The following AOPEP variants were observed in gnomAD, a reference collection of about 807,000 sequenced individuals.
AOPEP encodes aminopeptidase O (putative).
A neutral mutation model predicts 98.1 loss-of-function variants in AOPEP; 77 were observed. That is an observed-to-expected ratio of 0.78 (90% CI 0.65 to 0.95). AOPEP has a LOEUF of 0.95. AOPEP is among the 40% of genes least tolerant of loss of function. The pLI is 0.00. For synonymous variants in AOPEP, 346 were observed against 365.3 expected (o/e 0.95, Z 0.60); for missense variants, 1,024 against 1,024.7 (o/e 1.00, Z 0.01).
intron 1 of AOPEP, among the ~76,000 whole-genome samples, chr9:94,756,849 C>G (rs979207141): frequency 3.9e-5 from 6 of 152,154 alleles, no homozygotes; most frequent in African/African-American, 9.6e-5. Flanking sequence ...GAGGCTACCC[C>G]CCGTTCTGGA....
At chr9:95,147,222 A>C in the AOPEP span, among the ~76,000 whole-genome samples, 1 of 152,236 alleles carries the variant, frequency 6.6e-6, no homozygotes, top group African/African-American at 2.4e-5. Flanking sequence ...TGTTTCATCA[A>C]GAAAAGATGA....
intron 13 of AOPEP, among the ~76,000 whole-genome samples, chr9:95,028,433 A>G (rs1038007850): frequency 2.6e-5 from 4 of 152,216 alleles, no homozygotes; most frequent in African/African-American, 9.6e-5. Context: ...GTCACTACCC[A>G]CACAGCCTTC....
intron 14 of AOPEP, among the ~76,000 whole-genome samples, chr9:95,078,135 T>TA (rs1366145784): frequency 2.6e-5 from 4 of 152,146 alleles, no homozygotes; most frequent in African/African-American, 4.8e-5. Context: ...GGTCTCTTAT[T>TA]AATCTTGACA....
chr9:95,134,611 G>A, the AOPEP span, among the ~76,000 whole-genome samples: 1 of 152,254 alleles, frequency 6.6e-6, no homozygotes, highest in African/African-American at 2.4e-5. Context: ...CATGGCACCT[G>A]CAGGTTTCTG....
At position 94,794,263 on chromosome 9, in the gene AOPEP, C is replaced by A. The variant is rs562924989; in HGVS notation, c.1118+1345C>A. ...AGGGGGACGCTGAGAAGGTGCACAG[C>A]ACATGCATCATGCTGCACTCCCAGG... is the stretch of plus-strand genomic sequence containing the variant. On this transcript the variant is annotated intron_variant, in intron 4 of 16. Coordinates refer to ENST00000375315, the MANE Select transcript of AOPEP (RefSeq NM_001193329.3). 3.3e-5 allele frequency among the ~76,000 whole-genome samples: 5 copies of A among 152,312 alleles called. No individual in the cohort carries two copies. In the South Asian group the frequency reaches 1.0e-3, roughly 32 times the overall value.
At chr9:95,053,015 A>G (rs2066516094) in intron 13 of AOPEP, among the ~76,000 whole-genome samples, 1 of 152,156 alleles carries the variant, frequency 6.6e-6, no homozygotes, top group South Asian at 2.1e-4. Flanking sequence ...AGGTCTTCCC[A>G]TACCTACCGG....
the AOPEP span, among the ~76,000 whole-genome samples, chr9:95,128,909 C>CT: frequency 0.011 from 1,578 of 144,712 alleles, 9 homozygotes; most frequent in African/African-American, 0.018. Context: ...AACCAGTCTC[C>CT]TTTTTTTTTT....
chr9:94,816,357 A>T (rs1460418354), intron 5 of AOPEP, among the ~76,000 whole-genome samples: 1 of 152,060 alleles, frequency 6.6e-6, no homozygotes, highest in Non-Finnish European at 1.5e-5. Flanking sequence ...AATATGAATA[A>T]CTCACCAAGT....
intron 13 of AOPEP, among the ~76,000 whole-genome samples, chr9:95,042,740 C>T (rs112719295): frequency 0.019 from 2,880 of 152,308 alleles, 49 homozygotes; most frequent in Middle Eastern, 0.078. Context: ...GGTTCTCTCT[C>T]TTGCCTGCCT....
intron 5 of AOPEP, among the ~76,000 whole-genome samples, chr9:94,815,891 C>T (rs1259808835): frequency 6.6e-6 from 1 of 152,138 alleles, no homozygotes; most frequent in African/African-American, 2.4e-5. Flanking sequence ...TGGAAAGCCT[C>T]ATCAAGCTTT....
the AOPEP span, chr9:95,106,967 G>A: frequency 6.0e-6 from 7 of 1,172,804 alleles, no homozygotes; most frequent in South Asian, 5.2e-5. Context: ...CAGCATCCTG[G>A]TACACACACT....
At chr9:95,075,311 T>C (rs2068933059) in intron 14 of AOPEP, among the ~76,000 whole-genome samples, 1 of 152,214 alleles carries the variant, frequency 6.6e-6, no homozygotes, top group Admixed American at 6.5e-5. Context: ...TACCATTTGA[T>C]TACTTTTGGC....
At chr9:94,778,011 A>C (rs1427754896) in intron 3 of AOPEP, among the ~76,000 whole-genome samples, 3 of 152,238 alleles carry the variant, frequency 2.0e-5, no homozygotes, top group Non-Finnish European at 2.9e-5. Context: ...GATGCTTTTC[A>C]AAAGAAGATA....
At chr9:94,890,738 T>C (rs1034308325) in intron 5 of AOPEP, among the ~76,000 whole-genome samples, 1 of 152,236 alleles carries the variant, frequency 6.6e-6, no homozygotes, top group African/African-American at 2.4e-5. Context: ...TATTATGTGT[T>C]ATTGTTTAAT....
chr9:94,747,954 A>T (rs1353059753), intron 1 of AOPEP, among the ~76,000 whole-genome samples: 4 of 150,066 alleles, frequency 2.7e-5, no homozygotes, highest in Admixed American at 6.6e-5. Flanking sequence ...AATAATAAAT[A>T]AAAAAATAGG....
chr9:94,819,014 C>CA (rs1180356702), intron 5 of AOPEP, among the ~76,000 whole-genome samples: 6 of 151,798 alleles, frequency 4.0e-5, no homozygotes, highest in Admixed American at 6.6e-5. Context: ...AGCAAACAAA[C>CA]AAAAAAAATA....
intron 8 of AOPEP, 49 bp from the exon 9 acceptor site, chr9:94,955,859 A>T (rs375167028): frequency 2.3e-6 from 3 of 1,329,726 alleles, no homozygotes; most frequent in Admixed American, 1.9e-5. Context: ...CCATTTTTTT[A>T]TGAACTCATG....
chr9:94,997,620 G>T (rs1361995958), intron 11 of AOPEP, among the ~76,000 whole-genome samples: 4 of 152,146 alleles, frequency 2.6e-5, no homozygotes, highest in African/African-American at 9.7e-5. Flanking sequence ...ACACCTTCTG[G>T]TGACTCTAAT....
At chr9:94,749,374 T>C (rs1344678101) in intron 1 of AOPEP, among the ~76,000 whole-genome samples, 1 of 152,186 alleles carries the variant, frequency 6.6e-6, no homozygotes, top group African/African-American at 2.4e-5. Flanking sequence ...CTGCCCAGCC[T>C]GAGAATCAGC....
Sources: allele counts gnomAD v4.1 joint callset (sites outside exome capture counted in the v4.1 genomes callset), GRCh38; gene constraint gnomAD v4.1.1; transcripts MANE v1.5; gene names NCBI Gene and HGNC (gene_info 2026-07-23, HGNC 2026-07-21).